ESR1: variants seen among roughly 807,000 people sequenced by gnomAD.
ESR1 encodes the protein estrogen receptor.
ESR1 carries 12 observed loss-of-function variants against 52.7 expected under a neutral mutation model. The ratio of observed to expected loss-of-function variants is 0.23; its 90% CI spans 0.15 to 0.37. The LOEUF is 0.37. ESR1 is among the 10% of genes least tolerant of loss of function. The pLI is 1.00. For missense variants in ESR1, 584 were observed against 779.7 expected (o/e 0.75, Z 2.99); for synonymous variants, 305 against 316.8 (o/e 0.96, Z 0.39).
chr6:151,769,166 G>C (rs80021401), intron 2 of ESR1, among the ~76,000 whole-genome samples: 1 of 152,000 alleles, frequency 6.6e-6, no homozygotes, highest in South Asian at 2.1e-4. Flanking sequence ...AGACATTATC[G>C]GGAAATCTGG....
chr6:151,940,454 G>C (rs867730988), intron 3 of ESR1, among the ~76,000 whole-genome samples: 2 of 152,210 alleles, frequency 1.3e-5, no homozygotes, highest in Admixed American at 1.3e-4. Flanking sequence ...CTTTCCAGTC[G>C]TATTTTGTTG....
At chr6:151,820,729 G>C (rs1216968095) in intron 1 of ESR1, among the ~76,000 whole-genome samples, 1 of 152,162 alleles carries the variant, frequency 6.6e-6, no homozygotes, top group African/African-American at 2.4e-5. Flanking sequence ...GTGTCCCGAG[G>C]CTGCTGCTTT....
intron 5 of ESR1, among the ~76,000 whole-genome samples, chr6:152,012,322 G>C: frequency 6.6e-6 from 1 of 151,064 alleles, no homozygotes. Context: ...ACCATTCTGG[G>C]GTTGCCTTGG....
rs73009646 is a variant in ESR1 at position 151,818,814 on chromosome 6, C to T, written c.452+10450C>T. Among the ~76,000 whole-genome samples the T allele has an allele frequency of 9.0e-3, 1,366 of 151,902 alleles. 13 individuals carry two copies. The highest frequency in any genetic ancestry group is 0.013 in the Non-Finnish European group (906 of 67,978). Reference sequence around the variant, plus strand: ...GTGTGTATATACACATATATACACACACACACACACATATATATACCTGGT... The same window carrying T: ...GTGTGTATATACACATATATACACATACACACACACATATATATACCTGGT... On this transcript the variant is annotated intron_variant, in intron 1 of 7. Transcript: ENST00000206249.
intron 4 of ESR1, among the ~76,000 whole-genome samples, chr6:151,958,097 G>T (rs1216296712): frequency 1.3e-5 from 2 of 152,196 alleles, no homozygotes; most frequent in African/African-American, 4.8e-5. Flanking sequence ...CTGTGCAATT[G>T]TACCTGGAAT....
intron 3 of ESR1, among the ~76,000 whole-genome samples, chr6:151,940,381 G>A (rs903807525): frequency 2.0e-5 from 3 of 152,190 alleles, no homozygotes; most frequent in Non-Finnish European, 2.9e-5. Flanking sequence ...TTAGCGCTAA[G>A]TGAATCTACT....
Position 152,122,457 on chromosome 6 carries a change from C to T in ESR1, c.851-2809C>T, listed in dbSNP as rs370645510. The T allele has an allele frequency of 1.2e-5, 19 of 1,614,128 alleles. No homozygotes were observed. The African/African-American group carries it at 1.9e-4, about 16-fold the overall frequency. The stretch of plus-strand genomic sequence containing the variant: ...TAGTTCAGAGTGGAGGAGGGCCATT[C>T]GTGTATCTGAGCATGGGGTGGAATG... On this transcript the variant is annotated intron_variant, in intron 6 of 6. Coordinates refer to the ESR1 transcript ENST00000427531.
intron 3 of ESR1, among the ~76,000 whole-genome samples, chr6:151,895,947 A>T (rs1159437928): frequency 1.3e-5 from 2 of 151,904 alleles, no homozygotes; most frequent in African/African-American, 4.8e-5. Flanking sequence ...CTGCCACCAC[A>T]CCCAGCTAAT....
upstream of ESR1, chr6:151,805,169 C>T (rs1230825948): frequency 1.3e-5 from 2 of 152,144 alleles, no homozygotes; most frequent in Non-Finnish European, 2.9e-5. Context: ...AATGCCAAAA[C>T]ATTTATTCCA....
chr6:151,723,170 T>C (rs879394877), intron 2 of ESR1, among the ~76,000 whole-genome samples: 5 of 152,076 alleles, frequency 3.3e-5, no homozygotes, highest in Admixed American at 2.6e-4. Flanking sequence ...TATTAATCAA[T>C]AGTGTGTACA....
At chr6:151,780,017 C>A (rs932568375) in intron 2 of ESR1, among the ~76,000 whole-genome samples, 12 of 151,880 alleles carry the variant, frequency 7.9e-5, no homozygotes, top group African/African-American at 2.9e-4. Flanking sequence ...TGGAAACCAT[C>A]ATTCTCAGCA....
At chr6:151,914,586 A>G (rs1296038078) in intron 3 of ESR1, among the ~76,000 whole-genome samples, 1 of 152,242 alleles carries the variant, frequency 6.6e-6, no homozygotes, top group Non-Finnish European at 1.5e-5. Context: ...TTAACAAATC[A>G]TACTAGTACT....
At position 152,116,833 on chromosome 6, in the gene ESR1, C is replaced by A. The variant is rs921519485; in HGVS notation, c.851-8433C>A. 4.0e-5 allele frequency among the ~76,000 whole-genome samples: 6 copies of A among 151,890 alleles called. No homozygotes were observed. In the East Asian group the frequency reaches 5.8e-4, roughly 15 times the overall value. Reference sequence around the variant, plus strand: ...ACTGCTATAATTAAAACAGTAATGGCCAGGTAGATCTAACCATTGACTAGA... The same window carrying A: ...ACTGCTATAATTAAAACAGTAATGGACAGGTAGATCTAACCATTGACTAGA... On this transcript the variant is annotated intron_variant, in intron 6 of 6. Coordinates refer to the ESR1 transcript ENST00000427531.
intron 3 of ESR1, among the ~76,000 whole-genome samples, chr6:151,900,353 A>C (rs1796487871): frequency 6.6e-6 from 1 of 151,816 alleles, no homozygotes; most frequent in East Asian, 1.9e-4. Context: ...TTCTTGTATC[A>C]TTTTTTTGAC....
chr6:151,956,880 A>ATATATAT (rs2037043126), intron 4 of ESR1, among the ~76,000 whole-genome samples: 1 of 32,752 alleles, frequency 3.1e-5, no homozygotes, highest in African/African-American at 5.9e-5. Context: ...ATATATATAT[A>ATATATAT]AAATTTTTTT....
At chr6:151,737,712 A>G (rs1443752881) in intron 2 of ESR1, among the ~76,000 whole-genome samples, 2 of 152,164 alleles carry the variant, frequency 1.3e-5, no homozygotes, top group African/African-American at 2.4e-5. Context: ...ATAATTATGC[A>G]TATACAAGCA....
chr6:152,080,251 G>A (rs975252325), intron 6 of ESR1, among the ~76,000 whole-genome samples: 36 of 152,046 alleles, frequency 2.4e-4, no homozygotes, highest in African/African-American at 7.2e-4. Flanking sequence ...GAGAAAAGTC[G>A]GGTTACCCAC....
intron 1 of ESR1, among the ~76,000 whole-genome samples, chr6:151,821,129 C>A (rs1354592530): frequency 6.6e-6 from 1 of 152,028 alleles, no homozygotes; most frequent in African/African-American, 2.4e-5. Flanking sequence ...AGGGCTAGGT[C>A]CTCTATTCTG....
At chr6:151,911,961 A>G (rs775531654) in intron 3 of ESR1, among the ~76,000 whole-genome samples, 3 of 152,220 alleles carry the variant, frequency 2.0e-5, no homozygotes, top group Non-Finnish European at 4.4e-5. Flanking sequence ...CACTAGCCAC[A>G]TGTGGCCATT....
Sources: allele counts gnomAD v4.1 joint callset (sites outside exome capture counted in the v4.1 genomes callset), GRCh38; gene constraint gnomAD v4.1.1; transcripts MANE v1.5; gene names NCBI Gene and HGNC (gene_info 2026-07-23, HGNC 2026-07-21).